TOPBP1: variants seen among roughly 807,000 people sequenced by gnomAD.
The protein encoded by TOPBP1 is DNA topoisomerase 2-binding protein 1.
Under a neutral mutation model 167.7 loss-of-function variants are expected in TOPBP1, and 28 were observed. That is an observed-to-expected ratio of 0.17 (90% CI 0.12 to 0.23). TOPBP1 has a LOEUF of 0.23. Ranked by LOEUF, TOPBP1 falls within the 10% of genes least tolerant of loss-of-function variation. TOPBP1 has a pLI of 1.00. For missense variants in TOPBP1, 1,554 were observed against 1,809.6 expected (o/e 0.86, Z 2.56); for synonymous variants, 598 against 611.4 (o/e 0.98, Z 0.32).
At chr3:133,634,731 A>C (rs1231944453) in intron 14 of TOPBP1, among the ~76,000 whole-genome samples, 1 of 152,222 alleles carries the variant, frequency 6.6e-6, no homozygotes, top group African/African-American at 2.4e-5. Flanking sequence ...TTTGTAGAAG[A>C]AGCAAGGCCA....
chr3:133,651,510 T>G (rs556477827), intron 8 of TOPBP1, among the ~76,000 whole-genome samples: 34 of 152,178 alleles, frequency 2.2e-4, no homozygotes, highest in African/African-American at 7.5e-4. Flanking sequence ...TTCTTAACAA[T>G]AAGGTAGGGT....
rs183135562 is a variant in TOPBP1, at chr3:133,613,405, A to C, written c.3872-853T>G. Among the ~76,000 whole-genome samples, 11 of 152,364 alleles carry C rather than the reference A, an allele frequency of 7.2e-5. No individual in the cohort carries two copies. In the East Asian group the frequency reaches 1.3e-3, roughly 19 times the overall value. ...GAAATAGAACATAAACATGAGCCAC[A>C]CGCTGTAGTTGGTTATGTCTCTTAA... On this transcript the variant is annotated intron_variant, in intron 23 of 27. Coordinates refer to ENST00000260810, the MANE Select transcript of TOPBP1 (RefSeq NM_007027.4).
Position 133,611,059 on chromosome 3 carries a change from G to T in TOPBP1, c.4118C>A (p.Ala1373Glu). 1 of 1,613,286 alleles carries T rather than the reference G, an allele frequency of 6.2e-7. No homozygotes were observed. The highest frequency in any genetic ancestry group is 2.2e-5 in the East Asian group (1 of 44,864). The change falls in exon 25 of 28, where the codon GCA becomes GAA. Residue 1373 changes from alanine to glutamate, a missense_variant. This residue lies in a region of TOPBP1 where 351 missense variants were observed against 432.9 expected (regional missense o/e 0.81). Coordinates refer to ENST00000260810, the MANE Select transcript of TOPBP1 (RefSeq NM_007027.4). ...INVQQRRLAL[A>E]AMRWRKKIQQ... ...GATTTTTTTTCTCCATCTCATTGCT[G>T]CAAGTGCTAGTCTTCGTTGCTGTAC...
At chr3:133,650,064 GAATA>G (rs759921626) in intron 8 of TOPBP1, 121 bp from the exon 9 acceptor site, 4 of 816,168 alleles carry the variant, frequency 4.9e-6, no homozygotes, top group Non-Finnish European at 6.9e-6. Flanking sequence ...TAAGATATAT[GAATA>G]AATACATTCT....
intron 3 of TOPBP1, 141 bp downstream of exon 3, chr3:133,658,875 C>A (rs577654588): frequency 4.5e-5 from 40 of 887,440 alleles, no homozygotes; most frequent in Non-Finnish European, 5.8e-5. Flanking sequence ...GCCTTTCAAT[C>A]CTGGTCTTGC....
intron 14 of TOPBP1, among the ~76,000 whole-genome samples, chr3:133,637,287 G>C (rs1452706789): frequency 6.6e-6 from 1 of 152,082 alleles, no homozygotes; most frequent in Admixed American, 6.5e-5. Flanking sequence ...GAAAATCAAA[G>C]AAAATTATTT....
At position 133,638,132 on chromosome 3, in the gene TOPBP1, C is replaced by G. The variant is rs1012485746; in HGVS notation, c.2264G>C (p.Gly755Ala). The G allele has an allele frequency of 1.9e-6, 3 of 1,613,598 alleles. No homozygotes were observed. The highest frequency in any genetic ancestry group is 1.3e-5 in the African/African-American group (1 of 74,860). ...ERSLETEITN[G>A]INLNSDTAEH... Reference sequence around the variant, plus strand: ...TGCAGTATCTGAATTTAGATTGATTCCATTTGTTATTTCTGTTTCCAAACT... The same window carrying G: ...TGCAGTATCTGAATTTAGATTGATTGCATTTGTTATTTCTGTTTCCAAACT... The change falls in exon 14 of 28, where the codon GGA (glycine) becomes GCA (alanine). Residue 755 changes from glycine to alanine, a missense_variant. Physicochemically the swap from Gly to Ala is moderately conservative, Grantham distance 60. This residue lies in a region of TOPBP1 where 1,197 missense variants were observed against 1,351.5 expected (regional missense o/e 0.89). Transcript: ENST00000260810.
chr3:133,640,171 C>A lies in TOPBP1; in HGVS notation c.2022-1G>T. On this transcript the variant is annotated splice_acceptor_variant, in intron 12 of 27. Coordinates refer to ENST00000260810, the MANE Select transcript of TOPBP1 (RefSeq NM_007027.4). LOFTEE classifies it high-confidence loss of function. ...TTTGCGAACAAAGTATTCTTGAACA[C>A]TGAAATTTATGTTTAAAGAAGTGGA... 6.2e-7 allele frequency: 1 copy of A among 1,610,182 alleles called. No individual in the cohort carries two copies. The highest frequency in any genetic ancestry group is 8.5e-7 in the Non-Finnish European group (1 of 1,177,916).
Position 133,612,534 on chromosome 3 carries a change from T to C in TOPBP1, c.3890A>G (p.Lys1297Arg). The change falls in exon 24 of 28, where the codon AAG becomes AGG. Residue 1297 changes from lysine to arginine, a missense_variant. This residue lies in a region of TOPBP1 where 351 missense variants were observed against 432.9 expected (regional missense o/e 0.81). Coordinates refer to ENST00000260810, the MANE Select transcript of TOPBP1 (RefSeq NM_007027.4). The part of the protein sequence containing the change: ...IEKLGGLVIE[K>R]QCFDPTCTHI... Reference sequence around the variant, plus strand: ...TGTACAGGTGGGATCAAAGCACTGCTTTTCTATCACCAATCCACCTTAAGC... The same window carrying C: ...TGTACAGGTGGGATCAAAGCACTGCCTTTCTATCACCAATCCACCTTAAGC... 6.2e-7 allele frequency: 1 copy of C among 1,613,386 alleles called. No individual in the cohort carries two copies.
At chr3:133,650,030 T>C (rs1388819701) in intron 8 of TOPBP1, 87 bp from the exon 9 acceptor site, 1 of 1,121,004 alleles carries the variant, frequency 8.9e-7, no homozygotes, top group East Asian at 2.8e-5. Flanking sequence ...CCACTGTGTA[T>C]AAATAAGACA....
At chr3:133,610,636 T>TAA (rs55877229) in intron 25 of TOPBP1, among the ~76,000 whole-genome samples, 27 of 135,388 alleles carry the variant, frequency 2.0e-4, no homozygotes, top group East Asian at 1.6e-3. Flanking sequence ...GATTAAAATT[T>TAA]AAAAAAAAAA....
intron 23 of TOPBP1, among the ~76,000 whole-genome samples, chr3:133,614,488 T>C (rs1385330787): frequency 6.6e-6 from 1 of 152,160 alleles, no homozygotes; most frequent in East Asian, 1.9e-4. Flanking sequence ...GGATTGGGCA[T>C]AATATCTATT....
intron 14 of TOPBP1, among the ~76,000 whole-genome samples, chr3:133,634,758 C>T (rs1935610971): frequency 6.6e-6 from 1 of 152,084 alleles, no homozygotes; most frequent in Non-Finnish European, 1.5e-5. Context: ...AAGTTATGAA[C>T]ATGCAGAACT....
At chr3:133,617,436 G>C (rs1011775378) in intron 21 of TOPBP1, 110 bp from the exon 22 acceptor site, 7 of 1,269,454 alleles carry the variant, frequency 5.5e-6, no homozygotes, top group Non-Finnish European at 7.2e-6. Context: ...CACAAACTCT[G>C]GAATGTAAAA....
chr3:133,656,974 A>G, intron 4 of TOPBP1, 117 bp from the exon 5 acceptor site: 1 of 920,314 alleles, frequency 1.1e-6, no homozygotes, highest in Admixed American at 3.1e-5. Flanking sequence ...AGTGTTACAT[A>G]ACATTATAAA....
chr3:133,655,214 A>G, intron 6 of TOPBP1, 76 bp downstream of exon 6: 1 of 956,654 alleles, frequency 1.0e-6, no homozygotes, highest in Non-Finnish European at 1.3e-6. Flanking sequence ...CAAAATAAAT[A>G]AATAAATAAA....
intron 27 of TOPBP1, among the ~76,000 whole-genome samples, chr3:133,603,563 T>G (rs1274029705): frequency 6.6e-6 from 1 of 152,134 alleles, no homozygotes; most frequent in Non-Finnish European, 1.5e-5. Context: ...AAAGGCTATA[T>G]TAACCTCAGA....
chr3:133,643,906 G>T, intron 11 of TOPBP1, 114 bp downstream of exon 11: 2 of 1,117,410 alleles, frequency 1.8e-6, no homozygotes, highest in Non-Finnish European at 2.5e-6. Flanking sequence ...AATCAAGAGT[G>T]TTCAAGTCCA....
intron 16 of TOPBP1, among the ~76,000 whole-genome samples, chr3:133,626,003 C>T (rs1935254912): frequency 6.6e-6 from 1 of 152,174 alleles, no homozygotes; most frequent in Non-Finnish European, 1.5e-5. Context: ...CCATGAGTTT[C>T]AGTCTTCAGA....
Sources: allele counts gnomAD v4.1 joint callset (sites outside exome capture counted in the v4.1 genomes callset), GRCh38; gene constraint gnomAD v4.1.1; regional missense constraint gnomAD v4.1.1; transcripts MANE v1.5; gene names NCBI Gene and HGNC (gene_info 2026-07-23, HGNC 2026-07-21).